Variants in PLCB1 observed in about 807,000 individuals in gnomAD.
The protein encoded by PLCB1 is 1-phosphatidylinositol 4,5-bisphosphate phosphodiesterase beta-1.
Under a neutral mutation model 161.8 loss-of-function variants are expected in PLCB1, and 46 were observed. That is an observed-to-expected ratio of 0.28 (90% CI 0.22 to 0.36). The LOEUF (loss-of-function observed/expected upper bound fraction) is 0.36. Ranked by LOEUF, PLCB1 falls within the 10% of genes least tolerant of loss-of-function variation. The pLI is 1.00. For missense variants in PLCB1, 1,016 were observed against 1,472.5 expected (o/e 0.69, Z 5.07); for synonymous variants, 517 against 503.7 (o/e 1.03, Z -0.35).
chr20:8,617,282 A>C (rs1600194864), intron 3 of PLCB1, among the ~76,000 whole-genome samples: 1 of 152,218 alleles, frequency 6.6e-6, no homozygotes, highest in Non-Finnish European at 1.5e-5. Context: ...TGATAAATTA[A>C]ATAATTTAAA....
chr20:8,867,342 C>T (rs1237636119), intron 31 of PLCB1, among the ~76,000 whole-genome samples: 1 of 152,228 alleles, frequency 6.6e-6, no homozygotes, highest in Non-Finnish European at 1.5e-5. Flanking sequence ...CTTCATGGGA[C>T]TCCAGGTTCT....
intron 19 of PLCB1, among the ~76,000 whole-genome samples, chr20:8,733,636 T>A (rs979828353): frequency 6.7e-6 from 1 of 148,338 alleles, no homozygotes; most frequent in African/African-American, 2.6e-5. Context: ...CTGGGGACTG[T>A]TGTGGGGTGG....
At chr20:8,543,782 TAGTG>T (rs961429633) in intron 3 of PLCB1, among the ~76,000 whole-genome samples, 10 of 152,232 alleles carry the variant, frequency 6.6e-5, no homozygotes, top group African/African-American at 2.2e-4. Context: ...GTTCTCGTGA[TAGTG>T]AGTGACTTCT....
In PLCB1 at chr20:8,346,443, C is replaced by G. The variant is rs563518590; in HGVS notation, c.178-24939C>G. Among the ~76,000 whole-genome samples the G allele has an allele frequency of 3.3e-5, 5 of 152,340 alleles. No homozygotes were observed. The South Asian group carries it at 1.0e-3, about 32-fold the overall frequency. On this transcript the variant is annotated intron_variant, in intron 2 of 31. Coordinates refer to ENST00000338037, the MANE Select transcript of PLCB1 (RefSeq NM_015192.4). ...TAAATGCAGGAGCTTTGCACCAAAG[C>G]AAGGCCCCTAGCTTAATAAAGATTT...
At chr20:8,683,499 T>G (rs1187071941) in intron 9 of PLCB1, among the ~76,000 whole-genome samples, 4 of 152,244 alleles carry the variant, frequency 2.6e-5, no homozygotes, top group African/African-American at 9.6e-5. Context: ...AGAAACAAAT[T>G]GTAGTGATAG....
intron 3 of PLCB1, among the ~76,000 whole-genome samples, chr20:8,484,352 G>GCTT (rs201107527): frequency 8.8e-5 from 10 of 113,506 alleles, no homozygotes; most frequent in African/African-American, 2.5e-4. Flanking sequence ...GCTAGCTGCT[G>GCTT]CTTCTTCTTC....
chr20:8,692,149 C>G lies in PLCB1; in HGVS notation c.1010-5477C>G, dbSNP rs572422831. Among the ~76,000 whole-genome samples, 7 of 152,274 alleles carry G rather than the reference C, an allele frequency of 4.6e-5. No homozygotes were observed. In the South Asian group the frequency reaches 1.5e-3, roughly 32 times the overall value. On this transcript the variant is annotated intron_variant, in intron 10 of 31. Transcript: ENST00000338037. ...TGAGGGTTTTGCTATCCCCAATAAT[C>G]TGATGAATTAAATTATCTGACTGAA...
chr20:8,445,450 C>G (rs1194980161), intron 3 of PLCB1, among the ~76,000 whole-genome samples: 1 of 151,854 alleles, frequency 6.6e-6, no homozygotes, highest in Non-Finnish European at 1.5e-5. Context: ...GTTACTGTAG[C>G]CTTGTAGTAT....
At position 8,518,363 on chromosome 20, in the gene PLCB1, A is replaced by G. The variant is rs115329626; in HGVS notation, c.247-109931A>G. On this transcript the variant is annotated intron_variant, in intron 3 of 31. Transcript: ENST00000338037. Reference sequence around the variant, plus strand: ...TCAGCAATACTATATGTTTAGAATTATAGAATTTTTTCACAGCTCACAAAG... The same window carrying G: ...TCAGCAATACTATATGTTTAGAATTGTAGAATTTTTTCACAGCTCACAAAG... 2.5e-3 allele frequency among the ~76,000 whole-genome samples: 384 copies of G among 152,278 alleles called. 1 individual carries two copies. The highest frequency in any genetic ancestry group is 8.9e-3 in the African/African-American group (369 of 41,572).
chr20:8,208,189 G>C (rs896201996), intron 2 of PLCB1, among the ~76,000 whole-genome samples: 1 of 152,032 alleles, frequency 6.6e-6, no homozygotes, highest in Non-Finnish European at 1.5e-5. Flanking sequence ...AGACATCATA[G>C]GTCCTATTCT....
intron 3 of PLCB1, among the ~76,000 whole-genome samples, chr20:8,556,660 T>G (rs1261805088): frequency 3.3e-4 from 3 of 9,028 alleles, no homozygotes; most frequent in Non-Finnish European, 5.8e-4. Context: ...GGGTTGGGTG[T>G]GTGTGTGTGT....
intron 1 of PLCB1, among the ~76,000 whole-genome samples, chr20:8,146,119 T>C (rs77467483): frequency 7.3e-6 from 1 of 136,972 alleles, no homozygotes; most frequent in African/African-American, 2.8e-5. Flanking sequence ...TTTTTTTTTT[T>C]GGTATAAGGC....
intron 3 of PLCB1, among the ~76,000 whole-genome samples, chr20:8,475,818 C>T (rs1205744681): frequency 1.3e-5 from 2 of 152,160 alleles, no homozygotes; most frequent in Non-Finnish European, 2.9e-5. Flanking sequence ...GTGATTAATA[C>T]TAGGATAACT....
intron 4 of PLCB1, among the ~76,000 whole-genome samples, chr20:8,639,470 A>G (rs1403190467): frequency 6.6e-6 from 1 of 152,182 alleles, no homozygotes. Flanking sequence ...CCTTTTTCTC[A>G]TAGATCGAGA....
intron 25 of PLCB1, among the ~76,000 whole-genome samples, chr20:8,761,735 C>A (rs1406892629): frequency 1.3e-5 from 2 of 150,196 alleles, no homozygotes; most frequent in African/African-American, 4.9e-5. Flanking sequence ...CCAGGCTGGT[C>A]TCGAACTCCT....
chr20:8,559,566 C>T (rs1986076550), intron 3 of PLCB1, among the ~76,000 whole-genome samples: 1 of 151,920 alleles, frequency 6.6e-6, no homozygotes, highest in Non-Finnish European at 1.5e-5. Context: ...ATGCTGTTTA[C>T]AACACATTCA....
chr20:8,852,494 C>T (rs1986922511), intron 31 of PLCB1, among the ~76,000 whole-genome samples: 1 of 152,180 alleles, frequency 6.6e-6, no homozygotes, highest in African/African-American at 2.4e-5. Flanking sequence ...AGCCATATCC[C>T]AGCCTCCTTA....
intron 3 of PLCB1, among the ~76,000 whole-genome samples, chr20:8,556,991 TAAATAA>T: frequency 7.4e-6 from 1 of 135,506 alleles, no homozygotes; most frequent in Middle Eastern, 3.7e-3. Context: ...ATAAAATAAA[TAAATAA>T]ATAAATAAAT....
At chr20:8,245,209 T>C (rs910619899) in intron 2 of PLCB1, among the ~76,000 whole-genome samples, 2 of 151,886 alleles carry the variant, frequency 1.3e-5, no homozygotes, top group African/African-American at 4.8e-5. Context: ...TCTACCTCTT[T>C]TACTTTACCT....
Sources: gnomAD v4.1 joint callset for allele counts (sites outside exome capture counted in the v4.1 genomes callset) on GRCh38, gnomAD v4.1.1 for gene constraint, MANE v1.5 for transcripts, NCBI Gene and HGNC (gene_info 2026-07-23, HGNC 2026-07-21) for gene names.